CGREF1: variants seen among roughly 807,000 people sequenced by gnomAD.
CGREF1 encodes cell growth regulator with EF hand domain protein 1.
A neutral mutation model predicts 17.4 loss-of-function variants in CGREF1; 16 were observed. The observed-to-expected ratio is 0.92, with a 90% confidence interval of 0.62 to 1.40. CGREF1 has a LOEUF of 1.40. CGREF1 is among the 40% of genes most tolerant of loss of function. CGREF1 has a pLI of 0.00. For missense variants in CGREF1, 296 were observed against 376.4 expected, an observed-to-expected ratio of 0.79 and a Z score of 1.77; for synonymous variants, 142 against 154.6, an observed-to-expected ratio of 0.92 and a Z score of 0.61.
chr2:27,101,925 A>C lies in CGREF1; in HGVS notation c.343-37T>G, dbSNP rs530643065. 20 of 1,600,360 alleles carry C rather than the reference A, an allele frequency of 1.2e-5. No individual in the cohort carries two copies. The East Asian group carries it at 1.6e-4, about 13-fold the overall frequency. Reference sequence around the variant, plus strand: ...GAGTCACTGTGGGGTCTCCAGGGACAGAGATGTTCCCAGGAGTTCTGACCC... The same window carrying C: ...GAGTCACTGTGGGGTCTCCAGGGACCGAGATGTTCCCAGGAGTTCTGACCC... On this transcript the variant is annotated intron_variant, in intron 5 of 5. Transcript: ENST00000402394.
intron 1 of CGREF1, among the ~76,000 whole-genome samples, chr2:27,106,096 T>C (rs1384071938): frequency 6.6e-6 from 1 of 152,132 alleles, no homozygotes; most frequent in East Asian, 1.9e-4. Flanking sequence ...CATGAAACCG[T>C]CAAAGGGTCA....
intron 2 of CGREF1, chr2:27,103,080 G>A (rs1670970174): frequency 1.0e-6 from 1 of 985,350 alleles, no homozygotes; most frequent in Non-Finnish European, 1.2e-6. Flanking sequence ...TGGTTCTGGG[G>A]TTTCAAGCTG....
intron 1 of CGREF1, among the ~76,000 whole-genome samples, chr2:27,109,236 G>T (rs1470773391): frequency 6.6e-6 from 1 of 151,932 alleles, no homozygotes; most frequent in Non-Finnish European, 1.5e-5. Flanking sequence ...GCCGGGCATG[G>T]TGGGGTGTGC....
Position 27,102,101 on chromosome 2 carries a change from T to C in CGREF1, c.338A>G (p.Asn113Ser). The C allele has an allele frequency of 1.2e-6, 2 of 1,604,004 alleles. No homozygotes were observed. ...APGAANSPTT[N>S]PVILIVDKVL... ...TCTCCATCCAGCAGAGCTTACCGGGTTGGTGGTAGGAGAGTTGGCAGCTCC... is the reference window on the plus strand; with the variant it reads ...TCTCCATCCAGCAGAGCTTACCGGGCTGGTGGTAGGAGAGTTGGCAGCTCC... Residue 113 changes from asparagine (N) to serine (S), a missense_variant, in exon 5 of 6, where the codon AAC (asparagine) becomes AGC (serine). By Grantham distance (46) the Asn-to-Ser change is conservative. Coordinates refer to ENST00000402394, the MANE Select transcript of CGREF1 (RefSeq NM_006569.6).
At chr2:27,116,876 T>TCTCTCTCTCTCTCTCTCC in intron 1 of CGREF1, among the ~76,000 whole-genome samples, 1 of 30,714 alleles carries the variant, frequency 3.3e-5, no homozygotes, top group South Asian at 7.8e-4. Context: ...GCCTATTCTC[T>TCTCTCTCTCTCTCTCTCC]CTCTCTCTCT....
intron 1 of CGREF1, among the ~76,000 whole-genome samples, chr2:27,114,520 T>G (rs1671505867): frequency 6.6e-6 from 1 of 152,194 alleles, no homozygotes. Context: ...GTGACTGGCT[T>G]CTAATGAGTT....
intron 2 of CGREF1, among the ~76,000 whole-genome samples, chr2:27,103,359 T>TA (rs1218391991): frequency 1.4e-5 from 2 of 140,078 alleles, no homozygotes; most frequent in Non-Finnish European, 3.1e-5. Flanking sequence ...CTCTACTTCT[T>TA]TGGTGTTGCC....
intron 1 of CGREF1, 29 bp downstream of exon 1, chr2:27,118,817 C>G (rs1671687906): frequency 6.6e-6 from 1 of 152,038 alleles, no homozygotes; most frequent in South Asian, 2.1e-4. Flanking sequence ...GCTCGGGTCT[C>G]CGGCCGGCCG....
At position 27,105,169 on chromosome 2, in the gene CGREF1, G is replaced by A. The variant is rs571191144; in HGVS notation, c.-11-792C>T. 4.6e-5 allele frequency among the ~76,000 whole-genome samples: 7 copies of A among 152,280 alleles called. No homozygotes were observed. In the South Asian group the frequency reaches 1.5e-3, roughly 32 times the overall value. On this transcript the variant is annotated intron_variant, in intron 1 of 5. Coordinates refer to ENST00000402394, the MANE Select transcript of CGREF1 (RefSeq NM_006569.6). ...CCCAGGGTATGTACAGGTAGTGTGA[G>A]TTCCTGAGGAAGCAGAAGCCCACCA...
chr2:27,116,914 TCTCTCTC>T (rs1281198981), intron 1 of CGREF1, among the ~76,000 whole-genome samples: 47 of 98,254 alleles, frequency 4.8e-4, no homozygotes, highest in Middle Eastern at 8.1e-3. Context: ...TCTCTCTCTC[TCTCTCTC>T]TCTTTTTTTG....
chr2:27,104,482 G>C lies in CGREF1; in HGVS notation c.-11-105C>G, dbSNP rs531198954. ...GCGCATTTTCTGCCTGCTTCTACCT[G>C]CAGCCCCAAAGACAGGACTCCTGCT... On this transcript the variant is annotated intron_variant, in intron 1 of 5. Transcript: ENST00000402394. 39 of 1,553,604 alleles carry C rather than the reference G, an allele frequency of 2.5e-5. No individual in the cohort carries two copies. The Admixed American group carries it at 7.4e-4, about 30-fold the overall frequency.
At chr2:27,111,804 GC>G (rs1671399333) in intron 1 of CGREF1, among the ~76,000 whole-genome samples, 1 of 151,968 alleles carries the variant, frequency 6.6e-6, no homozygotes, top group Non-Finnish European at 1.5e-5. Flanking sequence ...ACTCGCGCTG[GC>G]CGGCAAGCGC....
intron 2 of CGREF1, chr2:27,103,243 T>A: frequency 1.1e-5 from 3 of 269,986 alleles, no homozygotes; most frequent in Non-Finnish European, 1.7e-5. Context: ...CCTGTGGCTG[T>A]TCCTGTGGCT....
In CGREF1 at chr2:27,100,614, A is replaced by C. The variant is rs1670763747; in HGVS notation, c.*660T>G. 1.4e-5 allele frequency: 17 copies of C among 1,200,312 alleles called. 1 individual carries two copies. The highest frequency in any genetic ancestry group is 1.8e-5 in the Non-Finnish European group (16 of 913,070). The allele number at this position is 1,200,312 out of a possible 1,614,324, so 74.4% of individuals were successfully genotyped here. On this transcript the variant is annotated 3_prime_UTR_variant, in exon 6 of 6. Transcript: ENST00000402394. Reference sequence around the variant, plus strand: ...AGACCTGGATTAAAATCTGCCATTTAATTAGCTGCATATCACCTTAGGGTA... The same window carrying C: ...AGACCTGGATTAAAATCTGCCATTTCATTAGCTGCATATCACCTTAGGGTA...
At chr2:27,102,456 C>T (rs1292980420) in intron 3 of CGREF1, 26 bp from the exon 4 acceptor site, 8 of 1,613,662 alleles carry the variant, frequency 5.0e-6, no homozygotes, top group Non-Finnish European at 6.8e-6. Context: ...AGAATCAGCC[C>T]GGGAGAGGTG....
At chr2:27,111,992 G>A (rs185298021) in intron 1 of CGREF1, among the ~76,000 whole-genome samples, 2 of 152,260 alleles carry the variant, frequency 1.3e-5, no homozygotes, top group Admixed American at 1.3e-4. Flanking sequence ...CCGAGAACGA[G>A]CGAGGGCACA....
At chr2:27,116,854 C>T (rs1671583224) in intron 1 of CGREF1, among the ~76,000 whole-genome samples, 1 of 111,422 alleles carries the variant, frequency 9.0e-6, no homozygotes, top group Non-Finnish European at 2.0e-5. Flanking sequence ...CAGGGATGAG[C>T]CACCAGGCCA....
chr2:27,112,055 A>C (rs993370629), intron 1 of CGREF1, among the ~76,000 whole-genome samples: 20 of 152,226 alleles, frequency 1.3e-4, no homozygotes, highest in Non-Finnish European at 2.8e-4. Flanking sequence ...GGATTGCTTG[A>C]GCCCAGAAGT....
intron 1 of CGREF1, chr2:27,104,771 G>A: frequency 6.8e-7 from 1 of 1,477,710 alleles, no homozygotes; most frequent in Non-Finnish European, 9.0e-7. Context: ...TTAAGAAAAA[G>A]GCCAGGTAAG....
Sources: allele counts gnomAD v4.1 joint callset (sites outside exome capture counted in the v4.1 genomes callset), GRCh38; gene constraint gnomAD v4.1.1; transcripts MANE v1.5; gene names NCBI Gene and HGNC (gene_info 2026-07-23, HGNC 2026-07-21).